The following IGSF21 variants were observed in gnomAD, a reference collection of about 807,000 sequenced individuals.
IGSF21 encodes immunoglobin superfamily member 21, also known as immunoglobulin superfamily member 21.
In IGSF21, 28 loss-of-function variants were observed where a neutral mutation model predicts 46.8. That is an observed-to-expected ratio of 0.60 (90% confidence interval 0.44 to 0.82). The LOEUF (loss-of-function observed/expected upper bound fraction) is 0.82, where lower values mean the gene tolerates loss of function less well. Among genes scored for constraint, IGSF21 ranks in the 40% least tolerant of loss-of-function variants. The probability of loss-of-function intolerance (pLI) is 0.00; values close to 1 mark genes in which losing one functional copy is unlikely to be tolerated. For synonymous variants in IGSF21, 284 were observed against 273.6 expected (o/e 1.04, Z -0.38); for missense variants, 624 against 665.5 (o/e 0.94, Z 0.69).
At chr1:18,336,219 A>G (rs2085764349) in intron 4 of IGSF21, among the ~76,000 whole-genome samples, 2 of 152,236 alleles carry the variant, frequency 1.3e-5, no homozygotes, top group Non-Finnish European at 2.9e-5. Context: ...ACACATGCAT[A>G]GATGAATCAA....
intron 1 of IGSF21, among the ~76,000 whole-genome samples, chr1:18,123,264 C>T (rs781082290): frequency 2.6e-5 from 4 of 152,210 alleles, no homozygotes; most frequent in Non-Finnish European, 5.9e-5. Flanking sequence ...TTCCCAGCTT[C>T]CTGCCTCTAG....
chr1:18,358,483 G>A (rs1050355236), intron 4 of IGSF21, among the ~76,000 whole-genome samples: 3 of 152,184 alleles, frequency 2.0e-5, no homozygotes, highest in Non-Finnish European at 4.4e-5. Flanking sequence ...CCACATTTCA[G>A]GTGCTCCCCA....
intron 1 of IGSF21, among the ~76,000 whole-genome samples, chr1:18,180,673 G>A (rs896080514): frequency 3.9e-5 from 6 of 152,194 alleles, no homozygotes; most frequent in African/African-American, 1.4e-4. Flanking sequence ...CTCTTTGTTG[G>A]AAACTGTGGA....
At chr1:18,153,552 G>A (rs200056905) in intron 1 of IGSF21, among the ~76,000 whole-genome samples, 16 of 152,226 alleles carry the variant, frequency 1.1e-4, no homozygotes, top group Admixed American at 1.0e-3. Flanking sequence ...AACAGCAGCA[G>A]CCACGGGGTG....
At chr1:18,295,081 C>G (rs2085300123) in intron 3 of IGSF21, among the ~76,000 whole-genome samples, 1 of 152,140 alleles carries the variant, frequency 6.6e-6, no homozygotes, top group Admixed American at 6.5e-5. Context: ...CCTAGAGGAG[C>G]CCCAAGGACT....
intron 1 of IGSF21, among the ~76,000 whole-genome samples, chr1:18,117,506 T>C (rs2086198341): frequency 6.6e-6 from 1 of 152,212 alleles, no homozygotes; most frequent in South Asian, 2.1e-4. Flanking sequence ...TACCCTTGGT[T>C]TCTTCAACCG....
In IGSF21 at chr1:18,372,855, T is replaced by C. The variant is rs564757065; in HGVS notation, c.1016-3455T>C. Among the ~76,000 whole-genome samples the C allele has an allele frequency of 9.7e-4, 88 of 90,516 alleles. 1 individual carries two copies. The highest frequency in any genetic ancestry group is 1.1e-3 in the Non-Finnish European group (55 of 49,716). 59.4% of individuals were successfully genotyped at this position (90,516 alleles called of 152,430 possible). ...ATGGATGGATGGATGGATGGATGGA[T>C]GGATGGATGGGTGGATGGATGGATG... is the stretch of plus-strand genomic sequence containing the variant. On this transcript the variant is annotated intron_variant, in intron 6 of 9. Coordinates refer to ENST00000251296, the MANE Select transcript of IGSF21 (RefSeq NM_032880.5).
intron 1 of IGSF21, among the ~76,000 whole-genome samples, chr1:18,215,590 C>T (rs1278433555): frequency 2.0e-5 from 3 of 152,148 alleles, no homozygotes; most frequent in African/African-American, 7.2e-5. Context: ...TGACGGTCTT[C>T]CAGGCCAAAG....
chr1:18,345,154 C>T (rs1487845099), intron 4 of IGSF21, among the ~76,000 whole-genome samples: 1 of 152,194 alleles, frequency 6.6e-6, no homozygotes, highest in Non-Finnish European at 1.5e-5. Flanking sequence ...TCCTTCTTAC[C>T]AGTCTGGGTG....
Position 18,211,942 on chromosome 1 carries a change from C to T in IGSF21, c.71-15956C>T, listed in dbSNP as rs946869555. ...AAAGCGAAACAGCAGCCACTGGTGA[C>T]TGCCCAGCCTCCACGCTCCTGAGGC... On this transcript the variant is annotated intron_variant, in intron 1 of 9. Coordinates refer to ENST00000251296, the MANE Select transcript of IGSF21 (RefSeq NM_032880.5). 5.9e-5 allele frequency among the ~76,000 whole-genome samples: 9 copies of T among 152,240 alleles called. 1 individual carries two copies. The highest frequency in any genetic ancestry group is 5.9e-4 in the Admixed American group (9 of 15,286).
chr1:18,269,854 T>C (rs2085026020), intron 2 of IGSF21, among the ~76,000 whole-genome samples: 1 of 152,204 alleles, frequency 6.6e-6, no homozygotes, highest in Non-Finnish European at 1.5e-5. Context: ...AACTGGAATT[T>C]ACTGTGTGAC....
At chr1:18,277,135 G>A (rs926220746) in intron 2 of IGSF21, among the ~76,000 whole-genome samples, 1 of 152,154 alleles carries the variant, frequency 6.6e-6, no homozygotes, top group African/African-American at 2.4e-5. Context: ...CTTCTGCATT[G>A]TGCAGAACAA....
chr1:18,319,792 C>A (rs749565128), intron 3 of IGSF21, among the ~76,000 whole-genome samples: 1 of 152,138 alleles, frequency 6.6e-6, no homozygotes. Context: ...TAAATAGAAG[C>A]GCCCCCTCCA....
At chr1:18,273,500 CTTT>C (rs1557618614) in intron 2 of IGSF21, among the ~76,000 whole-genome samples, 6 of 74,574 alleles carry the variant, frequency 8.0e-5, no homozygotes, top group African/African-American at 3.2e-4. Context: ...TTCTTTCTTT[CTTT>C]CTTTCTTTCT....
At chr1:18,199,143 C>T (rs189861452) in intron 1 of IGSF21, among the ~76,000 whole-genome samples, 524 of 152,178 alleles carry the variant, frequency 3.4e-3, no homozygotes, top group Non-Finnish European at 5.0e-3. Context: ...CAAGGCCCCC[C>T]GGTACATTAA....
intron 4 of IGSF21, among the ~76,000 whole-genome samples, chr1:18,338,531 G>A (rs1052744342): frequency 1.3e-5 from 2 of 152,134 alleles, no homozygotes; most frequent in East Asian, 1.9e-4. Flanking sequence ...AGCTGGGGAC[G>A]GCCCAGGGCC....
intron 1 of IGSF21, among the ~76,000 whole-genome samples, chr1:18,187,914 C>A (rs370159968): frequency 3.3e-5 from 5 of 152,150 alleles, no homozygotes; most frequent in African/African-American, 1.2e-4. Flanking sequence ...AATGAATGAA[C>A]AAATGGATAA....
At chr1:18,292,030 G>A (rs777155545) in intron 3 of IGSF21, 43 bp downstream of exon 3, 13 of 1,591,268 alleles carry the variant, frequency 8.2e-6, no homozygotes, top group East Asian at 2.2e-5. Flanking sequence ...GGGAAGGGCG[G>A]AGGGATGGGG....
chr1:18,367,494 C>G, intron 6 of IGSF21, among the ~76,000 whole-genome samples: 1 of 152,018 alleles, frequency 6.6e-6, no homozygotes, highest in Admixed American at 6.6e-5. Flanking sequence ...CACTCACTAC[C>G]ATGCCAACCA....
Sources: gnomAD v4.1 joint callset for allele counts (sites outside exome capture counted in the v4.1 genomes callset) on GRCh38, gnomAD v4.1.1 for gene constraint, MANE v1.5 for transcripts, NCBI Gene and HGNC (gene_info 2026-07-23, HGNC 2026-07-21) for gene names.